Variants in TPST1 observed in about 807,000 individuals in gnomAD.
TPST1 encodes protein-tyrosine sulfotransferase 1.
In TPST1, 20 loss-of-function variants were observed where a neutral mutation model predicts 34.8. That is an observed-to-expected ratio of 0.57 (90% CI 0.40 to 0.84). The LOEUF (loss-of-function observed/expected upper bound fraction) is 0.84, where lower values mean the gene tolerates loss of function less well. Among genes scored for constraint, TPST1 ranks in the 40% least tolerant of loss-of-function variants. The pLI, the probability that TPST1 is intolerant of heterozygous loss-of-function variation, is 0.00. For synonymous variants in TPST1, 152 were observed against 159.4 expected, an observed-to-expected ratio of 0.95 and a Z score of 0.35; for missense variants, 353 against 455.5, an observed-to-expected ratio of 0.78 and a Z score of 2.05.
chr7:66,237,041 C>T (rs1789925741), intron 1 of TPST1, among the ~76,000 whole-genome samples: 2 of 152,296 alleles, frequency 1.3e-5, no homozygotes, highest in South Asian at 2.1e-4. Flanking sequence ...TTCATGTCTC[C>T]TCTGTGCCTG....
chr7:66,264,959 C>T (rs1366658824), intron 2 of TPST1, among the ~76,000 whole-genome samples: 1 of 151,916 alleles, frequency 6.6e-6, no homozygotes, highest in African/African-American at 2.4e-5. Flanking sequence ...CAGTGTCTCA[C>T]CAATTGAGAA....
At chr7:66,241,417 C>A in intron 2 of TPST1, 147 bp downstream of exon 2, 1 of 916,256 alleles carries the variant, frequency 1.1e-6, no homozygotes, top group Non-Finnish European at 1.5e-6. Flanking sequence ...ACAGATACAG[C>A]TTCATTGATG....
rs534456703 is a variant in TPST1 at position 66,208,237 on chromosome 7, A to G, written c.-102+2715A>G. Among the ~76,000 whole-genome samples, 225 of 152,286 alleles carry G rather than the reference A, an allele frequency of 1.5e-3. 1 individual carries two copies. The highest frequency in any genetic ancestry group is 2.3e-3 in the Non-Finnish European group (157 of 68,026). On this transcript the variant is annotated intron_variant, in intron 1 of 5. Transcript: ENST00000304842. ...CCTGGGCCCTTTGTGATCCAGAGAA[A>G]AAAGCAGTAAAGAAACAGACCATTC...
chr7:66,286,817 ATTT>A (rs71051348), intron 3 of TPST1, 108 bp downstream of exon 3: 224 of 645,988 alleles, frequency 3.5e-4, no homozygotes, highest in African/African-American at 3.2e-3. Context: ...AGAAAAATAT[ATTT>A]TTTTTTTTTT....
At chr7:66,227,000 A>T (rs1789668659) in intron 1 of TPST1, among the ~76,000 whole-genome samples, 1 of 132,906 alleles carries the variant, frequency 7.5e-6, no homozygotes, top group South Asian at 2.4e-4. Flanking sequence ...AATTTAACAC[A>T]GTTTGGTGTT....
chr7:66,202,840 GA>G (rs1230632629), upstream of TPST1, among the ~76,000 whole-genome samples: 1 of 152,098 alleles, frequency 6.6e-6, no homozygotes, highest in Non-Finnish European at 1.5e-5. Flanking sequence ...TTGGAAGGTG[GA>G]GCCGGGCAGA....
rs76105961 is a variant in TPST1 at position 66,255,870 on chromosome 7, G to A, written c.845+14600G>A. On this transcript the variant is annotated intron_variant, in intron 2 of 5. Transcript: ENST00000304842. ...TAAAAAAAAAACCAACTAGATTTAA[G>A]TAAGAATGTGATTCATGAAGCAGTA... Among the ~76,000 whole-genome samples, 717 of 151,886 alleles carry A rather than the reference G, an allele frequency of 4.7e-3. 5 individuals are homozygous for A. Among genetic ancestry groups the A allele is most frequent in the African/African-American group, 0.017 (688 of 41,446 alleles).
At chr7:66,207,058 C>T (rs1303011413) in intron 1 of TPST1, among the ~76,000 whole-genome samples, 2 of 152,144 alleles carry the variant, frequency 1.3e-5, no homozygotes, top group African/African-American at 4.8e-5. Context: ...TTCTTGCCAC[C>T]TTTGCTCTGA....
intron 1 of TPST1, among the ~76,000 whole-genome samples, chr7:66,225,488 T>G (rs929490460): frequency 8.5e-5 from 13 of 152,074 alleles, no homozygotes; most frequent in African/African-American, 3.1e-4. Flanking sequence ...GGCACATGCC[T>G]GTAATCCCAG....
At chr7:66,283,998 C>A (rs1790983011) in intron 2 of TPST1, among the ~76,000 whole-genome samples, 1 of 152,148 alleles carries the variant, frequency 6.6e-6, no homozygotes, top group Admixed American at 6.5e-5. Flanking sequence ...AATGTCATTT[C>A]TGCTGATCTT....
At chr7:66,320,484 T>A (rs985753202) in intron 3 of TPST1, among the ~76,000 whole-genome samples, 1 of 151,964 alleles carries the variant, frequency 6.6e-6, no homozygotes, top group African/African-American at 2.4e-5. Context: ...CCTGACCTTG[T>A]GATCTGCCCG....
chr7:66,329,700 T>C (rs1791958601), intron 3 of TPST1, among the ~76,000 whole-genome samples: 1 of 152,184 alleles, frequency 6.6e-6, no homozygotes, highest in African/African-American at 2.4e-5. Flanking sequence ...GATGGCTCCA[T>C]AAAGATGTCC....
At chr7:66,201,312 C>T (rs1226656471), upstream of TPST1, among the ~76,000 whole-genome samples, 4 of 146,422 alleles carry the variant, frequency 2.7e-5, no homozygotes, top group Non-Finnish European at 6.0e-5. Flanking sequence ...GGGAGGCCAG[C>T]GTTGGAGGAC....
At chr7:66,348,728 A>G (rs1792406281) in intron 3 of TPST1, among the ~76,000 whole-genome samples, 1 of 152,216 alleles carries the variant, frequency 6.6e-6, no homozygotes, top group Non-Finnish European at 1.5e-5. Context: ...AGTTTTCTGC[A>G]CTGTGTAGAA....
chr7:66,200,234 C>T, the TPST1 span, among the ~76,000 whole-genome samples: 52 of 152,190 alleles, frequency 3.4e-4, 5 homozygotes, highest in African/African-American at 1.2e-3. Context: ...AAGGTAGAAG[C>T]GGTGCAAAGG....
At chr7:66,325,389 T>TTA (rs1474809809) in intron 3 of TPST1, among the ~76,000 whole-genome samples, 1 of 152,170 alleles carries the variant, frequency 6.6e-6, no homozygotes, top group Non-Finnish European at 1.5e-5. Context: ...TTCTTTTTTT[T>TTA]TCATGCCTGG....
At chr7:66,308,024 A>C (rs1017164900) in intron 3 of TPST1, among the ~76,000 whole-genome samples, 6 of 152,346 alleles carry the variant, frequency 3.9e-5, no homozygotes, top group Middle Eastern at 3.4e-3. Flanking sequence ...CTGAATTTCC[A>C]GTCAAACCAT....
At chr7:66,240,110 A>G (rs1584164230) in intron 1 of TPST1, among the ~76,000 whole-genome samples, 1 of 151,920 alleles carries the variant, frequency 6.6e-6, no homozygotes, top group African/African-American at 2.4e-5. Flanking sequence ...GATGGTCTCC[A>G]TCTCCTGACC....
intron 3 of TPST1, among the ~76,000 whole-genome samples, chr7:66,330,745 T>G (rs1293057919): frequency 6.6e-6 from 1 of 152,196 alleles, no homozygotes; most frequent in Non-Finnish European, 1.5e-5. Flanking sequence ...TGAAAGGCCT[T>G]AAAGTATTAG....
Sources: allele counts gnomAD v4.1 joint callset (sites outside exome capture counted in the v4.1 genomes callset), GRCh38; gene constraint gnomAD v4.1.1; transcripts MANE v1.5; gene names NCBI Gene and HGNC (gene_info 2026-07-23, HGNC 2026-07-21).